MPHOSPH8: variants seen among roughly 807,000 people sequenced by gnomAD.
The protein encoded by MPHOSPH8 is M-phase phosphoprotein 8.
MPHOSPH8 carries 45 observed loss-of-function variants against 87.3 expected under a neutral mutation model. That is an observed-to-expected ratio of 0.52 (90% confidence interval 0.41 to 0.66). The LOEUF is 0.66. MPHOSPH8 is among the 30% of genes least tolerant of loss of function. The pLI is 0.00. For synonymous variants in MPHOSPH8, 366 were observed against 376.9 expected (o/e 0.97, Z 0.33); for missense variants, 883 against 1,020.2 (o/e 0.87, Z 1.83).
chr13:19,650,223 G>A lies in MPHOSPH8; in HGVS notation c.1539G>A (p.Glu513=). ...WAYIAAEGDQ[E]VLDSVCQADE... Reference sequence around the variant, plus strand: ...ACATTGCTGCAGAAGGTGATCAGGAGGTTTTAGACAGCGTGTGCCAAGCAG... The same window carrying A: ...ACATTGCTGCAGAAGGTGATCAGGAAGTTTTAGACAGCGTGTGCCAAGCAG... Residue 513 remains glutamate (E), a synonymous_variant, in exon 5 of 14, where the codon GAG becomes GAA. Coordinates refer to ENST00000361479, the MANE Select transcript of MPHOSPH8 (RefSeq NM_017520.4). 6.2e-7 allele frequency: 1 copy of A among 1,613,976 alleles called. No homozygotes were observed. Among genetic ancestry groups the A allele is most frequent in the South Asian group, 1.1e-5 (1 of 91,054 alleles).
chr13:19,653,350 C>T (rs1874965156), intron 5 of MPHOSPH8, among the ~76,000 whole-genome samples: 1 of 152,188 alleles, frequency 6.6e-6, no homozygotes, highest in Admixed American at 6.5e-5. Flanking sequence ...GGAAAACTAA[C>T]AAACAGAAAG....
chr13:19,662,987 ACTGT>A, intron 8 of MPHOSPH8, 49 bp from the exon 9 acceptor site: 1 of 1,444,006 alleles, frequency 6.9e-7, no homozygotes, highest in Non-Finnish European at 9.7e-7. Flanking sequence ...ATATCTGAAA[ACTGT>A]CTTTTAAATA....
At chr13:19,656,675 G>T (rs541749513) in intron 5 of MPHOSPH8, among the ~76,000 whole-genome samples, 3 of 151,932 alleles carry the variant, frequency 2.0e-5, no homozygotes, top group Non-Finnish European at 4.4e-5. Flanking sequence ...CAGGAGAATC[G>T]CTTCAACCGG....
intron 2 of MPHOSPH8, 151 bp downstream of exon 2, chr13:19,642,421 T>G (rs1376931541): frequency 1.5e-6 from 1 of 647,166 alleles, no homozygotes; most frequent in African/African-American, 1.9e-5. Flanking sequence ...ACAGACTGCT[T>G]TCAGTGATTT....
At chr13:19,641,251 C>A (rs1177463191) in intron 1 of MPHOSPH8, among the ~76,000 whole-genome samples, 2 of 150,088 alleles carry the variant, frequency 1.3e-5, no homozygotes, top group Non-Finnish European at 3.0e-5. Flanking sequence ...GCCTCCTGGG[C>A]TTAAGTAATC....
At chr13:19,637,543 C>T (rs1187545849) in intron 1 of MPHOSPH8, among the ~76,000 whole-genome samples, 3 of 152,006 alleles carry the variant, frequency 2.0e-5, no homozygotes, top group African/African-American at 7.2e-5. Context: ...TGACCCATTA[C>T]TGATAAAATT....
intron 1 of MPHOSPH8, among the ~76,000 whole-genome samples, chr13:19,639,806 G>T (rs1472855980): frequency 2.0e-5 from 3 of 152,040 alleles, no homozygotes; most frequent in Non-Finnish European, 4.4e-5. Context: ...ACTTATTCCT[G>T]TGTTAAGAAT....
At chr13:19,670,641 T>C (rs933761183) in intron 12 of MPHOSPH8, among the ~76,000 whole-genome samples, 13 of 152,198 alleles carry the variant, frequency 8.5e-5, no homozygotes, top group Non-Finnish European at 8.8e-5. Context: ...TCAAAGATTC[T>C]TTGTACATAA....
At position 19,663,022 on chromosome 13, in the gene MPHOSPH8, C is replaced by CT. The variant is rs1243359889; in HGVS notation, c.1933-11dup. The CT allele has an allele frequency of 2.5e-6, 4 of 1,582,318 alleles. No homozygotes were observed. The highest frequency in any genetic ancestry group is 3.5e-6 in the Non-Finnish European group (4 of 1,157,646). ...AAATAATTTGGGAAATTAAATTTGC[C>CT]TTTTTTTCTTTTCATAGAACTTTTT... On this transcript the variant is annotated splice_polypyrimidine_tract_variant and intron_variant, in intron 8 of 13. Transcript: ENST00000361479.
At chr13:19,656,200 G>T (rs1593481419) in intron 5 of MPHOSPH8, among the ~76,000 whole-genome samples, 2 of 143,506 alleles carry the variant, frequency 1.4e-5, no homozygotes, top group South Asian at 4.7e-4. Flanking sequence ...GACCATTTGA[G>T]CCCAGGAGGC....
chr13:19,656,164 A>G (rs975165567), intron 5 of MPHOSPH8, among the ~76,000 whole-genome samples: 3 of 151,764 alleles, frequency 2.0e-5, no homozygotes, highest in Non-Finnish European at 2.9e-5. Context: ...CTGTAGTCCC[A>G]GCTACTCAGG....
intron 5 of MPHOSPH8, among the ~76,000 whole-genome samples, chr13:19,657,406 A>C (rs1177456378): frequency 6.6e-6 from 1 of 151,254 alleles, no homozygotes; most frequent in African/African-American, 2.4e-5. Context: ...GCAAAAAAAT[A>C]GCTTTTTTTT....
chr13:19,662,969 A>G, intron 8 of MPHOSPH8, 71 bp from the exon 9 acceptor site: 1 of 1,360,094 alleles, frequency 7.4e-7, no homozygotes, highest in Non-Finnish European at 1.0e-6. Context: ...ATGACTAAAA[A>G]TTTCAAAATA....
chr13:19,637,456 T>C (rs546441114), intron 1 of MPHOSPH8, among the ~76,000 whole-genome samples: 5 of 152,280 alleles, frequency 3.3e-5, no homozygotes, highest in Non-Finnish European at 7.4e-5. Context: ...AAAGTGGTGT[T>C]TTTAAGGGCT....
intron 1 of MPHOSPH8, among the ~76,000 whole-genome samples, chr13:19,636,488 C>CTT (rs879558701): frequency 3.5e-5 from 5 of 144,346 alleles, no homozygotes; most frequent in African/African-American, 1.3e-4. Flanking sequence ...TATTAATTTC[C>CTT]TTTTTTTTTT....
At chr13:19,651,407 T>C (rs558687551) in intron 5 of MPHOSPH8, among the ~76,000 whole-genome samples, 1 of 151,844 alleles carries the variant, frequency 6.6e-6, no homozygotes, top group Non-Finnish European at 1.5e-5. Context: ...TGCACCTGTA[T>C]TCCCAGCTAC....
Position 19,668,482 on chromosome 13 carries a change from A to C in MPHOSPH8, c.2280A>C (p.Pro760=). The part of the protein sequence containing the change: ...PIACHRLCEG[P]DFSTDFNYKP... ...CATGTCATCGACTCTGTGAGGGTCC[A>C]GATTTTTCAACAGATTTCAATTACA... Residue 760 remains proline, a synonymous_variant, in exon 11 of 14, where the codon CCA becomes CCC. Transcript: ENST00000361479. The C allele has an allele frequency of 6.2e-7, 1 of 1,614,192 alleles. No homozygotes were observed.
chr13:19,669,991 G>GT (rs1188500284), intron 11 of MPHOSPH8, among the ~76,000 whole-genome samples: 1 of 152,148 alleles, frequency 6.6e-6, no homozygotes, highest in African/African-American at 2.4e-5. Flanking sequence ...AAAATCATAC[G>GT]TAAGTCTTTT....
At chr13:19,651,484 A>G (rs936713828) in intron 5 of MPHOSPH8, among the ~76,000 whole-genome samples, 1 of 150,726 alleles carries the variant, frequency 6.6e-6, no homozygotes, top group Non-Finnish European at 1.5e-5. Flanking sequence ...CTGAAATCAC[A>G]CCACAGCACT....
Sources: gnomAD v4.1 joint callset for allele counts (sites outside exome capture counted in the v4.1 genomes callset) on GRCh38, gnomAD v4.1.1 for gene constraint, MANE v1.5 for transcripts, NCBI Gene and HGNC (gene_info 2026-07-23, HGNC 2026-07-21) for gene names.